RAPGEF3: variants seen among roughly 807,000 people sequenced by gnomAD.
RAPGEF3 encodes the protein 9330170P05Rik.
Under a neutral mutation model 129.8 loss-of-function variants are expected in RAPGEF3, and 103 were observed. The ratio of observed to expected loss-of-function variants is 0.79; its 90% CI spans 0.68 to 0.93. The LOEUF is 0.93. Among genes scored for constraint, RAPGEF3 ranks in the 40% least tolerant of loss-of-function variants. The probability of loss-of-function intolerance (pLI) is 0.00; values close to 1 mark genes in which losing one functional copy is unlikely to be tolerated. For missense variants in RAPGEF3, 1,117 were observed against 1,207.4 expected (o/e 0.93, Z 1.11); for synonymous variants, 436 against 482.6 (o/e 0.90, Z 1.26).
intron 7 of RAPGEF3, 87 bp from the exon 8 acceptor site, chr12:47,750,077 G>A: frequency 1.4e-6 from 2 of 1,471,852 alleles, no homozygotes; most frequent in Non-Finnish European, 1.9e-6. Context: ...TAGGTCCAAA[G>A]ACACAAGTGC....
At chr12:47,754,774 G>A (rs1290246527) in intron 2 of RAPGEF3, among the ~76,000 whole-genome samples, 10 of 152,176 alleles carry the variant, frequency 6.6e-5, no homozygotes, top group African/African-American at 2.4e-4. Context: ...GTCAGTTTCA[G>A]GGTTCTCAGT....
chr12:47,748,885 A>G lies in RAPGEF3; in HGVS notation c.1088T>C (p.Val363Ala), dbSNP rs527530696. 1.7e-5 allele frequency: 28 copies of G among 1,614,038 alleles called. No individual in the cohort carries two copies. The East Asian group carries it at 5.1e-4, about 30-fold the overall frequency. Reference sequence around the variant, plus strand: ...CTGAGAGGCTCTCTCCAGCACCAGCACCACTTTGCCATGTTCTTCCAGCCG... The same window carrying G: ...CTGAGAGGCTCTCTCCAGCACCAGCGCCACTTTGCCATGTTCTTCCAGCCG... ...TMRLEEHGKVVLVLERASQGA... is the reference protein window; with the variant it reads ...TMRLEEHGKVALVLERASQGA... Residue 363 changes from valine (V) to alanine (A), a missense_variant, in exon 11 of 28, where the codon GTG (valine) becomes GCG (alanine). By Grantham distance (64) the Val-to-Ala change is moderately conservative. Coordinates refer to ENST00000449771, the MANE Select transcript of RAPGEF3 (RefSeq NM_001098531.4).
chr12:47,737,763 A>AC (rs1244773892), intron 27 of RAPGEF3, 78 bp from the exon 28 acceptor site: 5 of 1,362,906 alleles, frequency 3.7e-6, no homozygotes, highest in Non-Finnish European at 4.2e-6. Context: ...GAGCCATATC[A>AC]CATCTGCCTT....
intron 2 of RAPGEF3, chr12:47,753,976 A>C (rs1187142935): frequency 6.6e-6 from 1 of 152,268 alleles, no homozygotes; most frequent in African/African-American, 2.4e-5. Flanking sequence ...AATCCCTCTC[A>C]TTTTGACAAG....
intron 2 of RAPGEF3, among the ~76,000 whole-genome samples, chr12:47,755,126 C>T (rs1367095854): frequency 6.6e-6 from 1 of 152,182 alleles, no homozygotes; most frequent in Non-Finnish European, 1.5e-5. Flanking sequence ...GAGAGAAGTG[C>T]AGCATGGTGG....
rs148861205 is a variant in RAPGEF3, at chr12:47,738,023, T to C, written c.2652A>G (p.Thr884=). ...HEDSQVARIS[T]CSEQSLSTRS... is the part of the protein sequence containing the mutation. ...CACCCACCATCGCCCACCACTTACA[T>C]GTGGAAATCCTCGCCACCTGGCTGT... The change falls in exon 27 of 28, where the codon ACA becomes ACG. Residue 884 remains threonine, a splice_region_variant and synonymous_variant. Transcript: ENST00000449771. 1.9e-5 allele frequency: 22 copies of C among 1,167,246 alleles called. No homozygotes were observed. The highest frequency in any genetic ancestry group is 4.7e-5 in the East Asian group (1 of 21,254). 72.3% of individuals were successfully genotyped at this position (1,167,246 alleles called of 1,614,324 possible). A position where few individuals can be genotyped will look rare whatever the true frequency, so the allele number is the denominator to read the frequency against.
intron 2 of RAPGEF3, among the ~76,000 whole-genome samples, chr12:47,757,324 G>A (rs191752043): frequency 1.8e-4 from 28 of 152,194 alleles, no homozygotes; most frequent in African/African-American, 6.5e-4. Flanking sequence ...AGGGCACTTT[G>A]GTGATCTCAG....
rs1049615918 is a variant in RAPGEF3 at position 47,734,938 on chromosome 12, C to T, written c.*2629G>A. ...CTGAAGCAGCAGAGGGTGCTGGCTC[C>T]ACTGACCACTCCACCCCGTCTGTGG... On this transcript the variant is annotated 3_prime_UTR_variant, in exon 28 of 28. Coordinates refer to ENST00000449771, the MANE Select transcript of RAPGEF3 (RefSeq NM_001098531.4). 6.6e-6 allele frequency: 1 copy of T among 152,312 alleles called. No individual in the cohort carries two copies. The highest frequency in any genetic ancestry group is 1.5e-5 in the Non-Finnish European group (1 of 68,116). The allele number at this position is 152,312 out of a possible 1,614,324, so 9.4% of individuals were successfully genotyped here.
At chr12:47,738,801 C>T (rs1030913137) in intron 24 of RAPGEF3, 47 bp from the exon 25 acceptor site, 7 of 1,518,526 alleles carry the variant, frequency 4.6e-6, no homozygotes, top group Non-Finnish European at 6.4e-6. Flanking sequence ...CTTCTGCCCT[C>T]CTGTAGCCCA....
Position 47,740,684 on chromosome 12 carries a change from G to A in RAPGEF3, c.2189C>T (p.Pro730Leu), listed in dbSNP as rs1941097351. 1.2e-6 allele frequency: 2 copies of A among 1,613,870 alleles called. No individual in the cohort carries two copies. Among genetic ancestry groups the A allele is most frequent in the African/African-American group, 2.7e-5 (2 of 75,046 alleles). ...TELCLCPVPG[P>L]RAQLLRKFIK... is the part of the protein sequence containing the mutation. ...GAACTTCCTGAGCAGCTGGGCCCGG[G>A]GGCCGGGCACGGGGCAGAGACACAG... Residue 730 changes from proline (P) to leucine (L), a missense_variant, in exon 21 of 28, where the codon CCC becomes CTC. Coordinates refer to ENST00000449771, the MANE Select transcript of RAPGEF3 (RefSeq NM_001098531.4).
Position 47,737,364 on chromosome 12 carries a change from C to T in RAPGEF3, c.*203G>A. On this transcript the variant is annotated 3_prime_UTR_variant, in exon 28 of 28. Transcript: ENST00000449771. ...CCTTGGCCTTGGGTCATTCGTTATT[C>T]CTGGCTCGGGTCCACTCCGAGGTCC... is the stretch of plus-strand genomic sequence containing the variant. 3.4e-6 allele frequency: 2 copies of T among 586,138 alleles called. No homozygotes were observed. Among genetic ancestry groups the T allele is most frequent in the South Asian group, 2.0e-5 (1 of 49,890 alleles). The allele number at this position is 586,138 out of a possible 1,614,324, so 36.3% of individuals were successfully genotyped here. A position where few individuals can be genotyped will look rare whatever the true frequency, so the allele number is the denominator to read the frequency against.
chr12:47,740,272 A>G (rs1941066702), intron 22 of RAPGEF3, 33 bp downstream of exon 22: 1 of 1,611,160 alleles, frequency 6.2e-7, no homozygotes, highest in South Asian at 1.1e-5. Flanking sequence ...CTGAGGCCTG[A>G]CCTCAGGAGG....
intron 18 of RAPGEF3, 25 bp downstream of exon 18, chr12:47,743,505 G>A: frequency 6.2e-7 from 1 of 1,600,368 alleles, no homozygotes. Flanking sequence ...CCCTCCCTTG[G>A]GGTCTATCCA....
chr12:47,737,499 T>C lies in RAPGEF3; in HGVS notation c.*68A>G, dbSNP rs945897229. 4 of 1,426,718 alleles carry C rather than the reference T, an allele frequency of 2.8e-6. No individual in the cohort carries two copies. Among genetic ancestry groups the C allele is most frequent in the Non-Finnish European group, 3.9e-6 (4 of 1,029,216 alleles). 88.4% of individuals were successfully genotyped at this position (1,426,718 alleles called of 1,614,324 possible). On this transcript the variant is annotated 3_prime_UTR_variant, in exon 28 of 28. Coordinates refer to ENST00000449771, the MANE Select transcript of RAPGEF3 (RefSeq NM_001098531.4). ...CCCAGCTGTGGCCAGCCTGTGAGTA[T>C]CTTGGCCCGGCACACCCTGGCTTTC... is the stretch of plus-strand genomic sequence containing the variant.
At chr12:47,746,658 CT>C in intron 16 of RAPGEF3, 1 of 727,664 alleles carries the variant, frequency 1.4e-6, no homozygotes, top group Non-Finnish European at 2.5e-6. Context: ...GGGAGGCCAC[CT>C]TAGGCCTCTG....
Position 47,740,389 on chromosome 12 carries a change from C to T in RAPGEF3, c.2238G>A (p.Lys746=), listed in dbSNP as rs1367711394. ...RKFIKLAAHL[K]EQKNLNSFFA... is the part of the protein sequence containing the mutation. The stretch of plus-strand genomic sequence containing the variant: ...AGAAGGAATTGAGATTCTTCTGCTC[C>T]TTGAGGCTGTGAGCAGAAGACCCAG... Residue 746 remains lysine (K), a synonymous_variant, in exon 22 of 28, where the codon AAG becomes AAA. Coordinates refer to ENST00000449771, the MANE Select transcript of RAPGEF3 (RefSeq NM_001098531.4). 4 of 1,613,882 alleles carry T rather than the reference C, an allele frequency of 2.5e-6. No individual in the cohort carries two copies. The highest frequency in any genetic ancestry group is 1.3e-5 in the African/African-American group (1 of 75,022).
intron 12 of RAPGEF3, 87 bp from the exon 13 acceptor site, chr12:47,748,239 C>T: frequency 1.7e-6 from 2 of 1,171,472 alleles, no homozygotes; most frequent in South Asian, 2.7e-5. Context: ...AGGACCCTTC[C>T]CCACATCCCA....
Position 47,749,932 on chromosome 12 carries a change from A to G in RAPGEF3, c.815T>C (p.Val272Ala). Residue 272 changes from valine to alanine, a missense_variant and splice_region_variant, in exon 8 of 28, where the codon GTG (valine) becomes GCG (alanine). Coordinates refer to ENST00000449771, the MANE Select transcript of RAPGEF3 (RefSeq NM_001098531.4). The surrounding 1 kb of genome is among the most constrained non-coding windows in gnomAD (Gnocchi z 4.5). Reference protein sequence around the residue: ...LFEPHSKAGTVLFSQGDKGTS... With the variant: ...LFEPHSKAGTALFSQGDKGTS... The stretch of plus-strand genomic sequence containing the variant: ...TTCTTATGCCCTGCTGGACTTACAC[A>G]CGGTCCCTGCCTTGCTGTGTGGTTC... The G allele has an allele frequency of 6.8e-6, 11 of 1,614,042 alleles. No individual in the cohort carries two copies. Among genetic ancestry groups the G allele is most frequent in the Non-Finnish European group, 9.3e-6 (11 of 1,180,014 alleles).
intron 2 of RAPGEF3, chr12:47,752,688 T>C (rs1941822614): frequency 6.5e-6 from 1 of 153,286 alleles, no homozygotes; most frequent in Non-Finnish European, 1.5e-5. Flanking sequence ...ACACATCGAA[T>C]GTTTAAAGCA....
Sources: allele counts gnomAD v4.1 joint callset (sites outside exome capture counted in the v4.1 genomes callset), GRCh38; gene constraint gnomAD v4.1.1; non-coding constraint Gnocchi (gnomAD v3.1); transcripts MANE v1.5; gene names NCBI Gene and HGNC (gene_info 2026-07-23, HGNC 2026-07-21).